Variants in CNBD1 observed in about 807,000 individuals in gnomAD.
The protein encoded by CNBD1 is cyclic nucleotide-binding domain-containing protein 1.
CNBD1 carries 71 observed loss-of-function variants against 54.4 expected under a neutral mutation model. The observed-to-expected ratio is 1.30, with a 90% CI of 1.08 to 1.59. CNBD1 has a LOEUF of 1.59. Ranked by LOEUF, CNBD1 falls within the 40% of genes most tolerant of loss-of-function variation. The probability of loss-of-function intolerance (pLI) is 0.00; values close to 1 mark genes in which losing one functional copy is unlikely to be tolerated. For missense variants in CNBD1, 659 were observed against 518.0 expected (o/e 1.27, Z -2.64); for synonymous variants, 182 against 170.7 (o/e 1.07, Z -0.51).
In CNBD1 at chr8:86,910,354, A is replaced by G. The variant is rs1809082215; in HGVS notation, c.272+5160A>G. ...GACCTTTCTCCGTGTGGCAGGGAAC[A>G]TGGTTACCAGGAACTTTGAACTTGT... is the stretch of plus-strand genomic sequence containing the variant. On this transcript the variant is annotated intron_variant, in intron 3 of 10. Coordinates refer to ENST00000518476, the MANE Select transcript of CNBD1 (RefSeq NM_173538.3). 1.3e-5 allele frequency among the ~76,000 whole-genome samples: 2 copies of G among 152,192 alleles called. 1 individual carries two copies. The highest frequency in any genetic ancestry group is 4.1e-4 in the South Asian group (2 of 4,828).
intron 8 of CNBD1, among the ~76,000 whole-genome samples, chr8:87,311,989 T>C (rs999977431): frequency 2.0e-5 from 3 of 151,926 alleles, no homozygotes; most frequent in Admixed American, 1.3e-4. Context: ...AACTAACTAT[T>C]GGATAGTATG....
intron 6 of CNBD1, among the ~76,000 whole-genome samples, chr8:87,262,602 C>T (rs969904072): frequency 1.3e-5 from 2 of 152,168 alleles, no homozygotes; most frequent in African/African-American, 4.8e-5. Context: ...GCCCTTCAGA[C>T]ATCAGTGCTC....
At chr8:87,111,627 A>G (rs1278998054) in intron 4 of CNBD1, among the ~76,000 whole-genome samples, 2 of 152,118 alleles carry the variant, frequency 1.3e-5, no homozygotes, top group African/African-American at 2.4e-5. Flanking sequence ...AAAGGGATTG[A>G]CTTTCCATTG....
At chr8:87,390,309 G>A (rs1214243163) in intron 2 of CNBD1, among the ~76,000 whole-genome samples, 1 of 152,094 alleles carries the variant, frequency 6.6e-6, no homozygotes, top group Non-Finnish European at 1.5e-5. Context: ...GAGTGAACAG[G>A]CAACCTACAG....
intron 2 of CNBD1, among the ~76,000 whole-genome samples, chr8:87,414,989 T>C (rs79878977): frequency 0.013 from 1,998 of 152,116 alleles, 27 homozygotes; most frequent in South Asian, 0.042. Context: ...GCTGCAGATA[T>C]GTTTCTTCTG....
downstream of CNBD1, among the ~76,000 whole-genome samples, chr8:87,383,350 T>C (rs752235190): frequency 2.0e-5 from 3 of 152,114 alleles, no homozygotes; most frequent in South Asian, 2.1e-4. Context: ...TGATAGTCCT[T>C]AGTAAGGGGG....
At position 87,300,454 on chromosome 8, in the gene CNBD1, G is replaced by A. The variant is rs189701966; in HGVS notation, c.1042+13783G>A. On this transcript the variant is annotated intron_variant, in intron 8 of 10. Transcript: ENST00000518476. ...TTTAAAAAATCTAAAGTTATGCATT[G>A]TTCAGGTAGAAACTAGACACACTAA... is the stretch of plus-strand genomic sequence containing the variant. Among the ~76,000 whole-genome samples, 10 of 152,226 alleles carry A rather than the reference G, an allele frequency of 6.6e-5. 1 individual carries two copies. Among genetic ancestry groups the A allele is most frequent in the Admixed American group, 5.9e-4 (9 of 15,270 alleles).
intron 2 of CNBD1, among the ~76,000 whole-genome samples, chr8:87,421,261 T>A (rs1807930564): frequency 6.6e-6 from 1 of 151,376 alleles, no homozygotes; most frequent in Non-Finnish European, 1.5e-5. Flanking sequence ...ATTTTTTATT[T>A]TTTATTTATT....
At chr8:87,266,135 T>C (rs1228264886) in intron 6 of CNBD1, among the ~76,000 whole-genome samples, 1 of 151,912 alleles carries the variant, frequency 6.6e-6, no homozygotes, top group Non-Finnish European at 1.5e-5. Context: ...ATTCAATATC[T>C]TAAAGATAAG....
chr8:86,897,117 T>A (rs1318630980), intron 2 of CNBD1, among the ~76,000 whole-genome samples: 1 of 152,188 alleles, frequency 6.6e-6, no homozygotes, highest in African/African-American at 2.4e-5. Flanking sequence ...GGCATGTGAC[T>A]TATGCTCCAA....
At chr8:87,164,633 C>T (rs944180430) in intron 4 of CNBD1, among the ~76,000 whole-genome samples, 2 of 151,488 alleles carry the variant, frequency 1.3e-5, no homozygotes, top group African/African-American at 4.8e-5. Context: ...TGGTATCAGT[C>T]GTAATGTCTC....
At chr8:87,191,403 G>A (rs1813606909) in intron 4 of CNBD1, among the ~76,000 whole-genome samples, 1 of 152,104 alleles carries the variant, frequency 6.6e-6, no homozygotes, top group Non-Finnish European at 1.5e-5. Context: ...TTGAGGGTGG[G>A]TCTTCCTCTC....
chr8:86,906,171 T>C (rs1433540176), intron 3 of CNBD1, among the ~76,000 whole-genome samples: 5 of 152,254 alleles, frequency 3.3e-5, no homozygotes, highest in African/African-American at 2.4e-5. Flanking sequence ...TTTCATTTAT[T>C]TATATCAATG....
In CNBD1 at chr8:86,890,283, ACT is replaced by A. The variant is rs774902972; in HGVS notation, c.158+2677_158+2678del. Among the ~76,000 whole-genome samples, 8 of 151,754 alleles carry A rather than the reference ACT, an allele frequency of 5.3e-5. No homozygotes were observed. The South Asian group carries it at 1.0e-3, about 20-fold the overall frequency. On this transcript the variant is annotated intron_variant, in intron 2 of 10. Coordinates refer to ENST00000518476, the MANE Select transcript of CNBD1 (RefSeq NM_173538.3). ...CCTGGCTCCTAGTAACCACCATTCTACTCTCTGCTTCCACGACTTTCATGTTT... is the reference window on the plus strand; with the variant it reads ...CCTGGCTCCTAGTAACCACCATTCTACTCTGCTTCCACGACTTTCATGTTT...
At chr8:87,027,939 TG>T (rs1472506838) in intron 4 of CNBD1, among the ~76,000 whole-genome samples, 2 of 152,202 alleles carry the variant, frequency 1.3e-5, no homozygotes, top group African/African-American at 4.8e-5. Context: ...CAGTTGGGCC[TG>T]ATCAGCTGCA....
At chr8:87,228,028 C>T (rs1187794278) in intron 5 of CNBD1, among the ~76,000 whole-genome samples, 8 of 151,870 alleles carry the variant, frequency 5.3e-5, no homozygotes, top group Admixed American at 3.3e-4. Flanking sequence ...TCCAGTTGAT[C>T]GCATCGGCTC....
At chr8:87,176,769 G>A (rs1433929293) in intron 4 of CNBD1, among the ~76,000 whole-genome samples, 2 of 151,942 alleles carry the variant, frequency 1.3e-5, no homozygotes, top group East Asian at 1.9e-4. Context: ...GATTACAGGC[G>A]TGAGCCACCG....
At chr8:87,353,059 A>G (rs566629994) in intron 9 of CNBD1, among the ~76,000 whole-genome samples, 4 of 152,180 alleles carry the variant, frequency 2.6e-5, no homozygotes, top group Non-Finnish European at 5.9e-5. Context: ...AACCATTCAT[A>G]TTGAACATCC....
chr8:86,883,004 A>G (rs1297985047), intron 1 of CNBD1, among the ~76,000 whole-genome samples: 2 of 152,272 alleles, frequency 1.3e-5, no homozygotes, highest in East Asian at 3.9e-4. Flanking sequence ...GGAACAACAT[A>G]CACTGAGACT....
Sources: allele counts gnomAD v4.1 joint callset (sites outside exome capture counted in the v4.1 genomes callset), GRCh38; gene constraint gnomAD v4.1.1; transcripts MANE v1.5; gene names NCBI Gene and HGNC (gene_info 2026-07-23, HGNC 2026-07-21).